ZNF518A: variants seen among roughly 807,000 people sequenced by gnomAD.
The protein encoded by ZNF518A is zinc finger protein 518.
A neutral mutation model predicts 102.7 loss-of-function variants in ZNF518A; 47 were observed. That is an observed-to-expected ratio of 0.46 (90% CI 0.36 to 0.58). ZNF518A has a LOEUF of 0.58. Ranked by LOEUF, ZNF518A falls within the 20% of genes least tolerant of loss-of-function variation. The pLI is 0.00. For missense variants in ZNF518A, 1,793 were observed against 1,699.8 expected (o/e 1.05, Z -0.96); for synonymous variants, 652 against 594.6 (o/e 1.10, Z -1.40).
chr10:96,168,317 T>G (rs891945289), downstream of ZNF518A, among the ~76,000 whole-genome samples: 1 of 152,148 alleles, frequency 6.6e-6, no homozygotes, highest in Non-Finnish European at 1.5e-5. Flanking sequence ...TTATTTTATT[T>G]TTTGCTCACC....
chr10:96,158,973 T>G lies in ZNF518A; in HGVS notation c.2651T>G (p.Phe884Cys), dbSNP rs2082852361. ...GAGAAGATGCCTAGAATTTCAGGTT[T>G]TGGCACATTACTTAAGACTCAGTCA... ...DSEKMPRISG[F>C]GTLLKTQSDA... Residue 884 changes from phenylalanine (F) to cysteine (C), a missense_variant, in exon 6 of 6, where the codon TTT becomes TGT. Phe to Cys is a radical substitution (Grantham distance 205, BLOSUM62 -2). Transcript: ENST00000316045. 6.2e-7 allele frequency: 1 copy of G among 1,613,544 alleles called. No homozygotes were observed. The highest frequency in any genetic ancestry group is 1.3e-5 in the African/African-American group (1 of 74,914).
Position 96,156,509 on chromosome 10 carries a change from T to C in ZNF518A, c.187T>C (p.Leu63=), listed in dbSNP as rs2082700413. 1.2e-6 allele frequency: 2 copies of C among 1,610,536 alleles called. No homozygotes were observed. The highest frequency in any genetic ancestry group is 2.2e-5 in the East Asian group (1 of 44,854). The part of the protein sequence containing the change: ...PKINIPNEVL[L]KHEVDKYRKL... ...AATAAATATTCCAAATGAAGTCCTA[T>C]TGAAACATGAAGTTGACAAATACAG... The change falls in exon 6 of 6, where the codon TTG becomes CTG. Residue 63 remains leucine (L), a synonymous_variant. Coordinates refer to ENST00000316045, the MANE Select transcript of ZNF518A (RefSeq NM_001330736.2).
At chr10:96,191,419 T>C (rs782808400) in intron 1 of ZNF518A, among the ~76,000 whole-genome samples, 1 of 152,050 alleles carries the variant, frequency 6.6e-6, no homozygotes, top group Non-Finnish European at 1.5e-5. Flanking sequence ...CAAGAACTTA[T>C]AGAAAGTTCA....
rs1017954239 is a variant in ZNF518A at position 96,158,390 on chromosome 10, A to T, written c.2068A>T (p.Ser690Cys). 6.2e-7 allele frequency: 1 copy of T among 1,613,660 alleles called. No homozygotes were observed. Among genetic ancestry groups the T allele is most frequent in the Non-Finnish European group, 8.5e-7 (1 of 1,179,750 alleles). Residue 690 changes from serine (S) to cysteine (C), a missense_variant, in exon 6 of 6, where the codon AGC (serine) becomes TGC (cysteine). Physicochemically the swap from Ser to Cys is moderately radical, Grantham distance 112 (BLOSUM62 -1). Coordinates refer to ENST00000316045, the MANE Select transcript of ZNF518A (RefSeq NM_001330736.2). The part of the protein sequence containing the change: ...ESFLSLVRQE[S>C]SKPDSLLASI... ...ATTTTTATCACTAGTGAGGCAGGAG[A>T]GCTCAAAACCAGATAGCCTATTAGC...
chr10:96,178,977 T>C (rs2083222378), intron 1 of ZNF518A, among the ~76,000 whole-genome samples: 1 of 152,100 alleles, frequency 6.6e-6, no homozygotes, highest in South Asian at 2.1e-4. Context: ...CTCTATCAAA[T>C]GTATTAGGAA....
At chr10:96,185,884 G>A (rs1554892510) in intron 1 of ZNF518A, among the ~76,000 whole-genome samples, 2 of 152,182 alleles carry the variant, frequency 1.3e-5, no homozygotes, top group African/African-American at 2.4e-5. Flanking sequence ...CACCCAGTTC[G>A]AGCTTCCAGG....
intron 3 of ZNF518A, among the ~76,000 whole-genome samples, chr10:96,140,235 G>C (rs1167320118): frequency 6.6e-6 from 1 of 152,160 alleles, no homozygotes; most frequent in Non-Finnish European, 1.5e-5. Flanking sequence ...AGGAATCAAG[G>C]ATGAGTCTTG....
intron 1 of ZNF518A, among the ~76,000 whole-genome samples, chr10:96,190,944 T>C (rs2083318303): frequency 6.6e-6 from 1 of 152,244 alleles, no homozygotes; most frequent in African/African-American, 2.4e-5. Context: ...TGAAACTTGA[T>C]ATGGTTTGGC....
In ZNF518A at chr10:96,157,008, A is replaced by G. The variant is rs1770880520; in HGVS notation, c.686A>G (p.His229Arg). The change falls in exon 6 of 6, where the codon CAT (histidine) becomes CGT (arginine). Residue 229 changes from histidine to arginine, a missense_variant. Transcript: ENST00000316045. ...VGTFVQHIHR[H>R]NEIHYKCGKC... ...ACATTTGTTCAGCACATTCATAGACATAATGAAATTCATTATAAGTGTGGT... is the reference window on the plus strand; with the variant it reads ...ACATTTGTTCAGCACATTCATAGACGTAATGAAATTCATTATAAGTGTGGT... The G allele has an allele frequency of 1.2e-6, 2 of 1,613,848 alleles. No individual in the cohort carries two copies. The highest frequency in any genetic ancestry group is 1.7e-6 in the Non-Finnish European group (2 of 1,179,780).
intron 1 of ZNF518A, among the ~76,000 whole-genome samples, chr10:96,184,497 G>T (rs1347702632): frequency 1.3e-5 from 2 of 152,156 alleles, no homozygotes; most frequent in Non-Finnish European, 2.9e-5. Context: ...GGCAGGGCTG[G>T]TGGTGACAAA....
chr10:96,141,320 A>G (rs2081913418), intron 3 of ZNF518A, among the ~76,000 whole-genome samples: 1 of 152,230 alleles, frequency 6.6e-6, no homozygotes, highest in African/African-American at 2.4e-5. Flanking sequence ...GAAAGGAGAG[A>G]TTTAGTGTGT....
In ZNF518A at chr10:96,159,099, A is replaced by C; in HGVS notation, c.2777A>C (p.Gln926Pro). 6.2e-7 allele frequency: 1 copy of C among 1,607,344 alleles called. No homozygotes were observed. The highest frequency in any genetic ancestry group is 1.3e-5 in the African/African-American group (1 of 74,416). The change falls in exon 6 of 6, where the codon CAA becomes CCA. Residue 926 changes from glutamine to proline, a missense_variant. Coordinates refer to ENST00000316045, the MANE Select transcript of ZNF518A (RefSeq NM_001330736.2). ...CAGAGTCCACTTTTAAATTCAGAACAAAAAAAAACTATAATTGTTCAGACT... is the reference window on the plus strand; with the variant it reads ...CAGAGTCCACTTTTAAATTCAGAACCAAAAAAAACTATAATTGTTCAGACT... ...YMQSPLLNSE[Q>P]KKTIIVQTSK...
chr10:96,168,601 G>C (rs1250331077), downstream of ZNF518A, among the ~76,000 whole-genome samples: 1 of 151,930 alleles, frequency 6.6e-6, no homozygotes, highest in African/African-American at 2.4e-5. Flanking sequence ...TAAAAGAATA[G>C]CTTTGCTGGA....
intron 1 of ZNF518A, among the ~76,000 whole-genome samples, chr10:96,182,562 G>T (rs956668573): frequency 2.6e-5 from 4 of 152,124 alleles, no homozygotes; most frequent in Admixed American, 1.3e-4. Context: ...TTTTGTTGCA[G>T]GCCTTTTCTG....
intron 3 of ZNF518A, among the ~76,000 whole-genome samples, chr10:96,143,314 C>CT (rs2082026923): frequency 6.6e-6 from 1 of 151,978 alleles, no homozygotes; most frequent in South Asian, 2.1e-4. Context: ...TTCTGTTTAC[C>CT]TTTCATTTCC....
intron 1 of ZNF518A, among the ~76,000 whole-genome samples, chr10:96,180,311 A>G (rs2083232278): frequency 6.6e-6 from 1 of 150,396 alleles, no homozygotes; most frequent in East Asian, 2.0e-4. Flanking sequence ...GGTGTGAGCC[A>G]CTGTACCCAG....
chr10:96,161,042 C>T lies in ZNF518A; in HGVS notation c.*268C>T, dbSNP rs12761705. On this transcript the variant is annotated 3_prime_UTR_variant, in exon 6 of 6. Coordinates refer to ENST00000316045, the MANE Select transcript of ZNF518A (RefSeq NM_001330736.2). ...TAAACGTGTTCTCGGGAAGTTAGGG[C>T]TAAAGAAAATTTTGATAAAACAATT... is the stretch of plus-strand genomic sequence containing the variant. The T allele has an allele frequency of 0.4, 126,009 of 313,274 alleles. 28,061 individuals carry two copies. The highest frequency in any genetic ancestry group is 0.49 in the Middle Eastern group (515 of 1,048). The allele number at this position is 313,274 out of a possible 1,614,324, so 19.4% of individuals were successfully genotyped here. A position where few individuals can be genotyped will look rare whatever the true frequency, so the allele number is the denominator to read the frequency against.
chr10:96,161,073 A>C lies in ZNF518A; in HGVS notation c.*299A>C, dbSNP rs1054624288. On this transcript the variant is annotated 3_prime_UTR_variant, in exon 6 of 6. Transcript: ENST00000316045. ...AAAATTTTGATAAAACAATTTTCCC[A>C]CTTTAGTTCTTTAGTGACTCTTAGT... The C allele has an allele frequency of 4.1e-6, 1 of 245,506 alleles. No homozygotes were observed. The highest frequency in any genetic ancestry group is 2.3e-5 in the African/African-American group (1 of 43,968). The allele number at this position is 245,506 out of a possible 1,614,324, so 15.2% of individuals were successfully genotyped here.
Position 96,200,836 on chromosome 10 carries a change from C to T in ZNF518A, n.36-2738C>T. On this transcript the variant is annotated intron_variant and non_coding_transcript_variant, in intron 1 of 2. Coordinates refer to the ZNF518A transcript ENST00000442635. This position sits in a 1 kb window ranked among gnomAD's most constrained non-coding sequence, Gnocchi z 4.3. Reference sequence around the variant, plus strand: ...AAAAACAACAACTGGGTATTCTGTCCCTATTACCAAATGACAGTTCACATA... The same window carrying T: ...AAAAACAACAACTGGGTATTCTGTCTCTATTACCAAATGACAGTTCACATA... 5.0e-6 allele frequency: 4 copies of T among 794,294 alleles called. No homozygotes were observed. The South Asian group carries it at 5.9e-5, about 12-fold the overall frequency. 49.2% of individuals were successfully genotyped at this position (794,294 alleles called of 1,614,324 possible). A position where few individuals can be genotyped will look rare whatever the true frequency, so the allele number is the denominator to read the frequency against.
Sources: allele counts gnomAD v4.1 joint callset (sites outside exome capture counted in the v4.1 genomes callset), GRCh38; gene constraint gnomAD v4.1.1; non-coding constraint Gnocchi (gnomAD v3.1); transcripts MANE v1.5; gene names NCBI Gene and HGNC (gene_info 2026-07-23, HGNC 2026-07-21).